The following MAN1A1 variants were observed in gnomAD, a reference collection of about 807,000 sequenced individuals.
MAN1A1 encodes mannosidase alpha class 1A member 1, also known as mannosyl-oligosaccharide 1,2-alpha-mannosidase IA.
In MAN1A1, 29 loss-of-function variants were observed where a neutral mutation model predicts 70.8. The ratio of observed to expected loss-of-function variants is 0.41; its 90% CI spans 0.31 to 0.56. The LOEUF (loss-of-function observed/expected upper bound fraction) is 0.56, where lower values mean the gene tolerates loss of function less well. MAN1A1 is among the 20% of genes least tolerant of loss of function. MAN1A1 has a pLI of 0.29. For missense variants in MAN1A1, 747 were observed against 841.3 expected (o/e 0.89, Z 1.39); for synonymous variants, 349 against 330.1 (o/e 1.06, Z -0.62).
chr6:119,226,657 G>A (rs1774523240), intron 6 of MAN1A1, among the ~76,000 whole-genome samples: 1 of 152,042 alleles, frequency 6.6e-6, no homozygotes, highest in Non-Finnish European at 1.5e-5. Flanking sequence ...TTCATATAAA[G>A]ACCTGGATAT....
At chr6:119,333,570 C>T (rs1191416803) in intron 2 of MAN1A1, among the ~76,000 whole-genome samples, 1 of 152,194 alleles carries the variant, frequency 6.6e-6, no homozygotes, top group Non-Finnish European at 1.5e-5. Flanking sequence ...CAGAAAAAGA[C>T]AGCTAATACT....
intron 6 of MAN1A1, among the ~76,000 whole-genome samples, chr6:119,210,428 A>T (rs751728351): frequency 1.3e-5 from 2 of 149,606 alleles, no homozygotes; most frequent in African/African-American, 2.5e-5. Flanking sequence ...TACACCACTT[A>T]AAAAAAAATC....
chr6:119,264,220 G>T (rs1775687549), intron 5 of MAN1A1, among the ~76,000 whole-genome samples: 1 of 152,168 alleles, frequency 6.6e-6, no homozygotes, highest in African/African-American at 2.4e-5. Flanking sequence ...TCTGAGAGCA[G>T]GGCTTATACA....
chr6:119,259,280 C>T (rs949677628), intron 5 of MAN1A1, among the ~76,000 whole-genome samples: 3 of 152,184 alleles, frequency 2.0e-5, no homozygotes, highest in Non-Finnish European at 4.4e-5. Flanking sequence ...CTTCCTCTAT[C>T]TTACGGTGAA....
At chr6:119,323,920 A>T (rs965503936) in intron 2 of MAN1A1, among the ~76,000 whole-genome samples, 31 of 152,222 alleles carry the variant, frequency 2.0e-4, no homozygotes, top group African/African-American at 7.2e-4. Flanking sequence ...ATTCAGAAAT[A>T]AAAATAACAG....
chr6:119,246,200 C>T (rs1775162909), intron 6 of MAN1A1, among the ~76,000 whole-genome samples: 1 of 152,124 alleles, frequency 6.6e-6, no homozygotes, highest in African/African-American at 2.4e-5. Flanking sequence ...AAAGATGTAG[C>T]CCACACCTCT....
At chr6:119,310,148 GATCTA>G (rs1222731778) in intron 2 of MAN1A1, among the ~76,000 whole-genome samples, 2 of 152,196 alleles carry the variant, frequency 1.3e-5, no homozygotes, top group African/African-American at 2.4e-5. Context: ...TTAATGTCCT[GATCTA>G]ATCAAGCACG....
intron 2 of MAN1A1, among the ~76,000 whole-genome samples, chr6:119,333,989 A>G (rs913453991): frequency 6.6e-6 from 1 of 152,212 alleles, no homozygotes; most frequent in Non-Finnish European, 1.5e-5. Flanking sequence ...CAAGAAGCAG[A>G]TGGAAAGCAT....
chr6:119,323,243 G>A (rs1330997998), intron 2 of MAN1A1, among the ~76,000 whole-genome samples: 1 of 152,194 alleles, frequency 6.6e-6, no homozygotes, highest in Non-Finnish European at 1.5e-5. Context: ...TAAATAAGGA[G>A]TCAGTGTGTT....
At position 119,179,959 on chromosome 6, in the gene MAN1A1, CAT is replaced by C. The variant is rs1491454191; in HGVS notation, c.1836-16_1836-15del. On this transcript the variant is annotated splice_polypyrimidine_tract_variant and intron_variant, in intron 12 of 12. Coordinates refer to ENST00000368468, the MANE Select transcript of MAN1A1 (RefSeq NM_005907.4). ...AGGTACAAATATCTGGTGAGAGAAACATAAGTATATGAGGCCCAAGACACTAG... is the reference window on the plus strand; with the variant it reads ...AGGTACAAATATCTGGTGAGAGAAACAAGTATATGAGGCCCAAGACACTAG... 1.2e-6 allele frequency: 2 copies of C among 1,612,652 alleles called. No individual in the cohort carries two copies. The highest frequency in any genetic ancestry group is 2.7e-5 in the African/African-American group (2 of 74,860).
At chr6:119,263,154 G>A (rs1775656476) in intron 5 of MAN1A1, among the ~76,000 whole-genome samples, 1 of 152,006 alleles carries the variant, frequency 6.6e-6, no homozygotes, top group Non-Finnish European at 1.5e-5. Flanking sequence ...CCTATTGTGG[G>A]ACCTTGTGAT....
intron 6 of MAN1A1, among the ~76,000 whole-genome samples, chr6:119,216,945 T>C (rs1774222586): frequency 1.3e-5 from 2 of 152,248 alleles, no homozygotes; most frequent in African/African-American, 4.8e-5. Flanking sequence ...AGGTTACTTA[T>C]TCAACATTTT....
intron 2 of MAN1A1, among the ~76,000 whole-genome samples, chr6:119,327,914 A>C (rs1387238497): frequency 6.6e-6 from 1 of 152,192 alleles, no homozygotes; most frequent in African/African-American, 2.4e-5. Context: ...ACTGACAGCA[A>C]GGAAATGGGG....
In MAN1A1 at chr6:119,349,073, G is replaced by A. The variant is rs1040505646; in HGVS notation, c.-8C>T. The A allele has an allele frequency of 7.6e-7, 1 of 1,309,782 alleles. No homozygotes were observed. The highest frequency in any genetic ancestry group is 9.7e-7 in the Non-Finnish European group (1 of 1,029,026). 81.1% of individuals were successfully genotyped at this position (1,309,782 alleles called of 1,614,324 possible). A position where few individuals can be genotyped will look rare whatever the true frequency, so the allele number is the denominator to read the frequency against. On this transcript the variant is annotated 5_prime_UTR_variant, in exon 2 of 13. Coordinates refer to ENST00000368468, the MANE Select transcript of MAN1A1 (RefSeq NM_005907.4). Reference sequence around the variant, plus strand: ...CAGGCCCCCCACGGGCATCGCTCCCGCTGTCCAGTGGTCCGGCGCCGCGCC... The same window carrying A: ...CAGGCCCCCCACGGGCATCGCTCCCACTGTCCAGTGGTCCGGCGCCGCGCC...
rs746918432 is a variant in MAN1A1, at chr6:119,189,844, G to A, written c.1366C>T (p.Leu456=). 3.1e-6 allele frequency: 5 copies of A among 1,614,044 alleles called. No homozygotes were observed. The South Asian group carries it at 5.5e-5, about 18-fold the overall frequency. Residue 456 remains leucine, a synonymous_variant, in exon 10 of 13, where the codon CTA becomes TTA. Coordinates refer to ENST00000368468, the MANE Select transcript of MAN1A1 (RefSeq NM_005907.4). ...CCTTTCCACTCTGCGATATAAGTTA[G>A]TCCGCTGCTAGACTTGCGGATCAAA... ...THLIRKSSSG[L]TYIAEWKGGL...
At chr6:119,329,071 C>T (rs1230259675) in intron 2 of MAN1A1, among the ~76,000 whole-genome samples, 2 of 152,202 alleles carry the variant, frequency 1.3e-5, no homozygotes, top group African/African-American at 4.8e-5. Context: ...CCTCTTCTTT[C>T]TGTCACTTAG....
chr6:119,313,054 G>A (rs2114461708), intron 2 of MAN1A1, among the ~76,000 whole-genome samples: 1 of 152,144 alleles, frequency 6.6e-6, no homozygotes, highest in Middle Eastern at 3.4e-3. Flanking sequence ...AACAGATAAG[G>A]GAGAACTTAG....
rs532371918 is a variant in MAN1A1, at chr6:119,204,465, T to G, written c.1116+294A>C. The stretch of plus-strand genomic sequence containing the variant: ...TAGTTGGCTCATGCAGTGCATTTAT[T>G]ACTAAATATTTTTAGATAAGGAAAC... On this transcript the variant is annotated intron_variant, in intron 7 of 12. Transcript: ENST00000368468. Among the ~76,000 whole-genome samples, 6 of 152,352 alleles carry G rather than the reference T, an allele frequency of 3.9e-5. No individual in the cohort carries two copies. In the South Asian group the frequency reaches 1.2e-3, roughly 32 times the overall value.
At chr6:119,208,207 G>C (rs1031560699) in intron 6 of MAN1A1, among the ~76,000 whole-genome samples, 1 of 152,094 alleles carries the variant, frequency 6.6e-6, no homozygotes, top group South Asian at 2.1e-4. Context: ...TTGGTTCAAA[G>C]GATTCTGCAG....
Sources: gnomAD v4.1 joint callset for allele counts (sites outside exome capture counted in the v4.1 genomes callset) on GRCh38, gnomAD v4.1.1 for gene constraint, MANE v1.5 for transcripts, NCBI Gene and HGNC (gene_info 2026-07-23, HGNC 2026-07-21) for gene names.